Variants in GLIS3 observed in about 807,000 individuals in gnomAD.
The protein encoded by GLIS3 is zinc finger protein GLIS3.
GLIS3 carries 53 observed loss-of-function variants against 78.6 expected under a neutral mutation model. The ratio of observed to expected loss-of-function variants is 0.67; its 90% CI spans 0.54 to 0.85. GLIS3 has a LOEUF of 0.85. Ranked by LOEUF, GLIS3 falls within the 40% of genes least tolerant of loss-of-function variation. GLIS3 has a pLI of 0.00. For synonymous variants in GLIS3, 684 were observed against 509.9 expected (o/e 1.34, Z -4.60); for missense variants, 1,703 against 1,231.1 (o/e 1.38, Z -5.74).
intron 4 of GLIS3, among the ~76,000 whole-genome samples, chr9:4,026,192 G>C (rs548682783): frequency 6.6e-6 from 1 of 152,250 alleles, no homozygotes; most frequent in South Asian, 2.1e-4. Context: ...CACTCCAGTG[G>C]CTATCTCAGT....
chr9:3,998,986 C>T (rs1820937520), intron 4 of GLIS3, among the ~76,000 whole-genome samples: 1 of 151,800 alleles, frequency 6.6e-6, no homozygotes, highest in Non-Finnish European at 1.5e-5. Context: ...TAAGCACATG[C>T]ATACATAAAG....
At chr9:4,423,732 T>C in the GLIS3 span, among the ~76,000 whole-genome samples, 1 of 152,240 alleles carries the variant, frequency 6.6e-6, no homozygotes, top group Non-Finnish European at 1.5e-5. Context: ...ATCATTTTTA[T>C]TAAAAATGAG....
the GLIS3 span, among the ~76,000 whole-genome samples, chr9:4,408,905 T>G: frequency 6.6e-6 from 1 of 152,024 alleles, no homozygotes; most frequent in Non-Finnish European, 1.5e-5. Context: ...TTTTCCATGA[T>G]GGGATTACTA....
chr9:4,023,918 A>G (rs915974685), intron 4 of GLIS3, among the ~76,000 whole-genome samples: 7 of 152,138 alleles, frequency 4.6e-5, no homozygotes, highest in Non-Finnish European at 1.0e-4. Context: ...AATGCTCGTT[A>G]AACAGGGTAT....
chr9:4,064,314 G>C (rs1379461958), intron 4 of GLIS3, among the ~76,000 whole-genome samples: 1 of 151,926 alleles, frequency 6.6e-6, no homozygotes, highest in Non-Finnish European at 1.5e-5. Flanking sequence ...AAAATATTAA[G>C]CTAAAGAAAA....
chr9:4,084,223 T>G (rs1828805066), intron 4 of GLIS3, among the ~76,000 whole-genome samples: 1 of 149,698 alleles, frequency 6.7e-6, no homozygotes, highest in African/African-American at 2.5e-5. Context: ...ATGCCAGCAA[T>G]GTGTAATCTC....
chr9:4,284,240 T>C (rs1297971272), intron 2 of GLIS3, among the ~76,000 whole-genome samples: 1 of 152,142 alleles, frequency 6.6e-6, no homozygotes, highest in Non-Finnish European at 1.5e-5. Flanking sequence ...AGACTACGTA[T>C]TGGAAAGCAC....
At chr9:4,233,864 T>G (rs974480572) in intron 2 of GLIS3, among the ~76,000 whole-genome samples, 1 of 152,246 alleles carries the variant, frequency 6.6e-6, no homozygotes, top group Non-Finnish European at 1.5e-5. Flanking sequence ...TAGTTAGATC[T>G]CCTGGAGAAC....
chr9:4,364,756 C>CTTTTTTTTTTTTTTTTTTTTTTTTT, the GLIS3 span, among the ~76,000 whole-genome samples: 2 of 61,080 alleles, frequency 3.3e-5, 1 homozygote, highest in Non-Finnish European at 5.7e-5. Flanking sequence ...TCATGTATTG[C>CTTTTTTTTTTTTTTTTTTTTTTTTT]TTTTTTTTTT....
chr9:4,235,650 G>A (rs559929773), intron 2 of GLIS3, among the ~76,000 whole-genome samples: 9 of 152,254 alleles, frequency 5.9e-5, no homozygotes, highest in African/African-American at 2.2e-4. Context: ...CTGTGAGTGT[G>A]AATGTATAAA....
the GLIS3 span, among the ~76,000 whole-genome samples, chr9:4,415,276 C>A: frequency 1.3e-5 from 2 of 152,170 alleles, no homozygotes; most frequent in African/African-American, 4.8e-5. Flanking sequence ...TCAGCCTCAT[C>A]CACTTGGGAC....
intron 4 of GLIS3, among the ~76,000 whole-genome samples, chr9:4,038,006 G>C (rs1824477642): frequency 6.6e-6 from 1 of 152,030 alleles, no homozygotes; most frequent in Non-Finnish European, 1.5e-5. Flanking sequence ...TAGCCCATCT[G>C]TCTTTGTGAG....
chr9:4,481,308 A>G, the GLIS3 span, among the ~76,000 whole-genome samples: 1 of 151,704 alleles, frequency 6.6e-6, no homozygotes, highest in Non-Finnish European at 1.5e-5. Context: ...ACATGGTGAA[A>G]CCCTGTCTCT....
intron 4 of GLIS3, among the ~76,000 whole-genome samples, chr9:4,102,982 A>C (rs1162550596): frequency 1.3e-5 from 2 of 152,184 alleles, no homozygotes; most frequent in African/African-American, 4.8e-5. Flanking sequence ...AAATGAAAAA[A>C]AAATCCCTAT....
the GLIS3 span, among the ~76,000 whole-genome samples, chr9:4,442,797 G>C: frequency 1.3e-5 from 2 of 151,962 alleles, no homozygotes; most frequent in Admixed American, 6.6e-5. Context: ...AAACTGAATG[G>C]ATTTTGTTTT....
chr9:4,397,851 G>A, the GLIS3 span, among the ~76,000 whole-genome samples: 1 of 151,838 alleles, frequency 6.6e-6, no homozygotes, highest in African/African-American at 2.4e-5. Context: ...AGTATTCCTT[G>A]GATGGGATGA....
rs151251823 is a variant in GLIS3 at position 4,217,808 on chromosome 9, A to G, written c.388+68230T>C. 1.2e-4 allele frequency among the ~76,000 whole-genome samples: 18 copies of G among 152,318 alleles called. No homozygotes were observed. In the East Asian group the frequency reaches 3.3e-3, roughly 28 times the overall value. On this transcript the variant is annotated intron_variant, in intron 2 of 10. Transcript: ENST00000381971. ...CCAAATCACAATTCAAACAAAATTAAAACAAACAAAGGGATTTCCGTGGAA... is the reference window on the plus strand; with the variant it reads ...CCAAATCACAATTCAAACAAAATTAGAACAAACAAAGGGATTTCCGTGGAA...
the GLIS3 span, among the ~76,000 whole-genome samples, chr9:4,435,261 T>G: frequency 0.026 from 3,967 of 152,304 alleles, 64 homozygotes; most frequent in Non-Finnish European, 0.041. Context: ...TGTTTCATAC[T>G]CAGAATTATA....
intron 2 of GLIS3, among the ~76,000 whole-genome samples, chr9:4,170,095 C>T (rs557319609): frequency 7.9e-5 from 12 of 152,268 alleles, no homozygotes; most frequent in African/African-American, 2.9e-4. Flanking sequence ...AAAACAATAA[C>T]AACACTAGTA....
Sources: allele counts gnomAD v4.1 joint callset (sites outside exome capture counted in the v4.1 genomes callset), GRCh38; gene constraint gnomAD v4.1.1; transcripts MANE v1.5; gene names NCBI Gene and HGNC (gene_info 2026-07-23, HGNC 2026-07-21).